The following PAH variants were observed in gnomAD, a reference collection of about 807,000 sequenced individuals.
PAH encodes the protein phenylalanine-4-hydroxylase.
A neutral mutation model predicts 62.0 loss-of-function variants in PAH; 64 were observed. That is an observed-to-expected ratio of 1.03 (90% CI 0.84 to 1.27). The LOEUF is 1.27. Among genes scored for constraint, PAH ranks in the 50% most tolerant of loss-of-function variants. The pLI, the probability that PAH is intolerant of heterozygous loss-of-function variation, is 0.00. For missense variants in PAH, 579 were observed against 542.8 expected, an observed-to-expected ratio of 1.07 and a Z score of -0.66; for synonymous variants, 195 against 196.2, an observed-to-expected ratio of 0.99 and a Z score of 0.05.
chr12:102,941,543 TG>T (rs1054269834), intron 1 of PAH, among the ~76,000 whole-genome samples: 1 of 151,980 alleles, frequency 6.6e-6, no homozygotes, highest in Non-Finnish European at 1.5e-5. Context: ...AAACCAACAA[TG>T]ATAAAAAATA....
At chr12:102,870,251 T>C (rs1301267856) in intron 4 of PAH, among the ~76,000 whole-genome samples, 1 of 152,190 alleles carries the variant, frequency 6.6e-6, no homozygotes, top group Admixed American at 6.5e-5. Flanking sequence ...ATAGCTAAGG[T>C]TAAACCTCAG....
At chr12:102,908,711 C>G (rs1878080602) in intron 2 of PAH, among the ~76,000 whole-genome samples, 1 of 152,060 alleles carries the variant, frequency 6.6e-6, no homozygotes, top group Non-Finnish European at 1.5e-5. Flanking sequence ...ATTAATGAAC[C>G]AATATTGATG....
chr12:102,885,959 C>G (rs1442990739), intron 3 of PAH: 1 of 152,398 alleles, frequency 6.6e-6, no homozygotes, highest in Non-Finnish European at 1.5e-5. Flanking sequence ...GGCCTCCAGC[C>G]CCCCAGAGAA....
chr12:102,908,230 A>G (rs1252499841), intron 2 of PAH, among the ~76,000 whole-genome samples: 1 of 150,016 alleles, frequency 6.7e-6, no homozygotes, highest in Non-Finnish European at 1.5e-5. Flanking sequence ...CGACACACAC[A>G]CACACACACA....
chr12:102,875,049 C>T (rs141359123), intron 4 of PAH, among the ~76,000 whole-genome samples: 4 of 152,266 alleles, frequency 2.6e-5, no homozygotes, highest in East Asian at 1.9e-4. Context: ...GGCCTGTGGG[C>T]CCCGGGGTCT....
Position 102,839,178 on chromosome 12 carries a change from C to T in PAH, c.1356G>A (p.Lys452=). The T allele has an allele frequency of 6.2e-7, 1 of 1,613,632 alleles. No homozygotes were observed. Among genetic ancestry groups the T allele is most frequent in the Non-Finnish European group, 8.5e-7 (1 of 1,179,608 alleles). The change falls in exon 13 of 13, where the codon AAG becomes AAA. Residue 452 remains lysine, a synonymous_variant. Transcript: ENST00000553106. ...AGACCACATTCTGTCCATGGCTTTA[C>T]TTTATTTTCTGGAGGGCACTGCAAA... is the stretch of plus-strand genomic sequence containing the variant. The part of the protein sequence containing the change: ...GILCSALQKI[K]
chr12:102,886,305 G>A (rs989104671), intron 3 of PAH: 1 of 152,148 alleles, frequency 6.6e-6, no homozygotes, highest in Admixed American at 6.5e-5. Flanking sequence ...CACACATGAA[G>A]TAAAGAGTGA....
At chr12:102,873,620 G>A (rs1016751294) in intron 4 of PAH, among the ~76,000 whole-genome samples, 2 of 152,132 alleles carry the variant, frequency 1.3e-5, no homozygotes, top group Admixed American at 1.3e-4. Flanking sequence ...AGAAATGATA[G>A]CACATGCTAT....
chr12:102,852,779 G>A, intron 7 of PAH, 36 bp downstream of exon 7: 1 of 1,613,722 alleles, frequency 6.2e-7, no homozygotes, highest in Non-Finnish European at 8.5e-7. Context: ...GGCGCTCATT[G>A]TGCCTGGCAA....
intron 5 of PAH, among the ~76,000 whole-genome samples, chr12:102,856,552 C>A (rs563992110): frequency 1.6e-4 from 24 of 152,322 alleles, no homozygotes; most frequent in Admixed American, 1.6e-3. Context: ...GAGTCCCTGA[C>A]CCCCGAGTAG....
intron 1 of PAH, among the ~76,000 whole-genome samples, chr12:102,922,955 G>T (rs1232422801): frequency 6.6e-6 from 1 of 152,148 alleles, no homozygotes; most frequent in African/African-American, 2.4e-5. Context: ...GTTATGTATG[G>T]TCTATCAATC....
chr12:102,883,580 T>C (rs546338220), intron 3 of PAH, among the ~76,000 whole-genome samples: 1 of 152,312 alleles, frequency 6.6e-6, no homozygotes, highest in African/African-American at 2.4e-5. Context: ...AGGATTCAAG[T>C]CTTTGTAAAA....
At chr12:102,878,120 C>T (rs945269443) in intron 3 of PAH, among the ~76,000 whole-genome samples, 6 of 152,208 alleles carry the variant, frequency 3.9e-5, no homozygotes, top group East Asian at 3.9e-4. Context: ...CCACTGCGTC[C>T]GGCCATTAGC....
At chr12:102,955,917 A>G (rs1593010611) in intron 1 of PAH, among the ~76,000 whole-genome samples, 1 of 152,210 alleles carries the variant, frequency 6.6e-6, no homozygotes, top group East Asian at 1.9e-4. Context: ...TTGGTCCTAT[A>G]CCTCTGAAGC....
intron 2 of PAH, among the ~76,000 whole-genome samples, chr12:102,907,017 A>C (rs1051110688): frequency 1.6e-4 from 24 of 152,360 alleles, no homozygotes; most frequent in African/African-American, 5.5e-4. Flanking sequence ...GAGATGAGAA[A>C]AGACTGTAGC....
In PAH at chr12:102,934,918, T is replaced by C. The variant is rs1298886258; in HGVS notation, c.-96+15671A>G. Among the ~76,000 whole-genome samples, 4 of 152,022 alleles carry C rather than the reference T, an allele frequency of 2.6e-5. No homozygotes were observed. In the East Asian group the frequency reaches 7.7e-4, roughly 29 times the overall value. On this transcript the variant is annotated intron_variant, in intron 1 of 3. Transcript: ENST00000546844. ...GGATGCCTTTTATTTCTTTCTCTTG[T>C]CTGATTGCTCTAACTAGAACTTCAG...
At chr12:102,895,875 T>A (rs1421239747) in intron 2 of PAH, among the ~76,000 whole-genome samples, 12 of 144,492 alleles carry the variant, frequency 8.3e-5, no homozygotes, top group African/African-American at 2.6e-4. Flanking sequence ...AAAAAATATA[T>A]ATATATATAT....
chr12:102,888,748 G>A (rs140519717), intron 3 of PAH, among the ~76,000 whole-genome samples: 185 of 151,858 alleles, frequency 1.2e-3, no homozygotes, highest in African/African-American at 4.1e-3. Context: ...TTGCTGAAAC[G>A]AGTGACCTCC....
At chr12:102,862,814 C>A (rs1006274529) in intron 5 of PAH, among the ~76,000 whole-genome samples, 16 of 152,116 alleles carry the variant, frequency 1.1e-4, no homozygotes, top group Non-Finnish European at 1.8e-4. Flanking sequence ...CTCATCCAAA[C>A]ACATTAGAGC....
Sources: allele counts gnomAD v4.1 joint callset (sites outside exome capture counted in the v4.1 genomes callset), GRCh38; gene constraint gnomAD v4.1.1; transcripts MANE v1.5; gene names NCBI Gene and HGNC (gene_info 2026-07-23, HGNC 2026-07-21).